ADAM28: variants seen among roughly 807,000 people sequenced by gnomAD.
ADAM28 encodes ADAM metallopeptidase domain 28.
In ADAM28, 105 loss-of-function variants were observed where a neutral mutation model predicts 101.2. That is an observed-to-expected ratio of 1.04 (90% CI 0.89 to 1.22). The LOEUF (loss-of-function observed/expected upper bound fraction) is 1.22. Among genes scored for constraint, ADAM28 ranks in the 50% most tolerant of loss-of-function variants. The pLI is 0.00. For synonymous variants in ADAM28, 322 were observed against 310.6 expected (o/e 1.04, Z -0.39); for missense variants, 1,028 against 945.4 (o/e 1.09, Z -1.15).
chr8:24,333,222 G>A (rs546480066), intron 13 of ADAM28, among the ~76,000 whole-genome samples: 1 of 152,140 alleles, frequency 6.6e-6, no homozygotes, highest in Non-Finnish European at 1.5e-5. Flanking sequence ...TATGTAGCAT[G>A]AGTAAGGTTA....
In ADAM28 at chr8:24,356,306, AG is replaced by A. The variant is rs1208652304; in HGVS notation, c.*1903del. On this transcript the variant is annotated 3_prime_UTR_variant, in exon 23 of 23. Coordinates refer to ENST00000265769, the MANE Select transcript of ADAM28 (RefSeq NM_014265.6). ...TGTTGTTTTTTAAATATCTGTCCCC[AG>A]TAATAGATTCACCTAATCCTTTTTT... 2 of 152,166 alleles carry A rather than the reference AG, an allele frequency of 1.3e-5. No homozygotes were observed. Among genetic ancestry groups the A allele is most frequent in the Admixed American group, 1.3e-4 (2 of 15,258 alleles). 9.4% of individuals were successfully genotyped at this position (152,166 alleles called of 1,614,324 possible).
chr8:24,347,216 G>T (rs957569043), intron 18 of ADAM28, among the ~76,000 whole-genome samples: 1 of 151,950 alleles, frequency 6.6e-6, no homozygotes, highest in Non-Finnish European at 1.5e-5. Context: ...TGTCAAATAA[G>T]TCAATTGGTT....
intron 2 of ADAM28, 104 bp downstream of exon 2, chr8:24,300,181 T>A: frequency 1.1e-6 from 1 of 928,576 alleles, no homozygotes; most frequent in Non-Finnish European, 1.6e-6. Context: ...TATACATGTA[T>A]GTTTATATAT....
Position 24,323,485 on chromosome 8 carries a change from A to G in ADAM28, c.721-349A>G, listed in dbSNP as rs141270047. On this transcript the variant is annotated intron_variant, in intron 8 of 22. Coordinates refer to ENST00000265769, the MANE Select transcript of ADAM28 (RefSeq NM_014265.6). ...TCTCACTCTGAGAGCACTGAAAAAC[A>G]TATAAGCAATTGAAGCCATAGTAAT... Among the ~76,000 whole-genome samples, 590 of 152,110 alleles carry G rather than the reference A, an allele frequency of 3.9e-3. 6 individuals are homozygous for G. The highest frequency in any genetic ancestry group is 0.014 in the African/African-American group (568 of 41,534).
In ADAM28 at chr8:24,322,358, G is replaced by A. The variant is rs576888231; in HGVS notation, c.720+1069G>A. Among the ~76,000 whole-genome samples the A allele has an allele frequency of 1.4e-4, 21 of 152,048 alleles. No homozygotes were observed. In the East Asian group the frequency reaches 1.6e-3, roughly 11 times the overall value. ...AAGCCAATGGTGGGAGCTTGTGGACGTTCTCTTCAGATTGCTCTTATAGTC... is the reference window on the plus strand; with the variant it reads ...AAGCCAATGGTGGGAGCTTGTGGACATTCTCTTCAGATTGCTCTTATAGTC... On this transcript the variant is annotated intron_variant, in intron 8 of 22. Coordinates refer to ENST00000265769, the MANE Select transcript of ADAM28 (RefSeq NM_014265.6).
intron 21 of ADAM28, among the ~76,000 whole-genome samples, chr8:24,352,400 G>T (rs1288808556): frequency 6.6e-6 from 1 of 152,182 alleles, no homozygotes; most frequent in African/African-American, 2.4e-5. Context: ...AGTTCAAGGA[G>T]CTGGCAGATC....
chr8:24,351,188 A>T, intron 19 of ADAM28, 44 bp from the exon 20 acceptor site: 3 of 1,422,622 alleles, frequency 2.1e-6, no homozygotes, highest in Non-Finnish European at 2.8e-6. Context: ...GTCATGCTGA[A>T]GGAGCTGCTA....
chr8:24,335,410 GA>G, intron 13 of ADAM28, 35 bp from the exon 14 acceptor site: 1 of 1,558,696 alleles, frequency 6.4e-7, no homozygotes, highest in Non-Finnish European at 8.7e-7. Flanking sequence ...AGCAGGTAGG[GA>G]GAATAAAAAG....
chr8:24,334,578 G>C (rs1321450105), intron 13 of ADAM28, among the ~76,000 whole-genome samples: 2 of 152,178 alleles, frequency 1.3e-5, no homozygotes, highest in African/African-American at 4.8e-5. Context: ...CATAAGAGAA[G>C]ATACAAGCAT....
chr8:24,336,082 G>T, intron 14 of ADAM28: 1 of 990,136 alleles, frequency 1.0e-6, no homozygotes, highest in Non-Finnish European at 1.2e-6. Context: ...GAAGTACTGT[G>T]GGATGGGACA....
At chr8:24,330,904 C>A (rs559440748) in intron 11 of ADAM28, among the ~76,000 whole-genome samples, 9 of 152,224 alleles carry the variant, frequency 5.9e-5, no homozygotes, top group East Asian at 3.9e-4. Context: ...CTGGAGAAGT[C>A]AGAGACATAT....
At position 24,341,626 on chromosome 8, in the gene ADAM28, C is replaced by G; in HGVS notation, c.1699C>G (p.Gln567Glu). Residue 567 changes from glutamine to glutamate, a missense_variant, in exon 16 of 23, where the codon CAA (glutamine) becomes GAA (glutamate). Coordinates refer to ENST00000265769, the MANE Select transcript of ADAM28 (RefSeq NM_014265.6). ...NDTMCGKLFCQGGSDNLPWKG... is the reference protein window; with the variant it reads ...NDTMCGKLFCEGGSDNLPWKG... ...TACCATGTGTGGGAAGTTGTTCTGT[C>G]AAGGTGGGTCGGATAATTTGCCCTG... 6.2e-7 allele frequency: 1 copy of G among 1,613,634 alleles called. No homozygotes were observed.
At chr8:24,330,210 G>A (rs547481152) in intron 11 of ADAM28, 95 bp downstream of exon 11, 47 of 1,426,514 alleles carry the variant, frequency 3.3e-5, no homozygotes, top group African/African-American at 1.3e-4. Context: ...CAACGTGTTC[G>A]AGTTTTTGAG....
chr8:24,339,305 G>A (rs552517483), intron 14 of ADAM28, among the ~76,000 whole-genome samples, 161 bp from the exon 15 acceptor site: 1 of 152,114 alleles, frequency 6.6e-6, no homozygotes, highest in Admixed American at 6.5e-5. Context: ...TATGTTTCTA[G>A]GAGTGGTCAA....
At chr8:24,336,880 TCA>T (rs1814160637) in intron 14 of ADAM28, among the ~76,000 whole-genome samples, 1 of 152,186 alleles carries the variant, frequency 6.6e-6, no homozygotes, top group Non-Finnish European at 1.5e-5. Flanking sequence ...CCTAATAGTT[TCA>T]GACTCCTACT....
At chr8:24,325,871 C>CAA (rs5890146) in intron 9 of ADAM28, among the ~76,000 whole-genome samples, 6 of 20,406 alleles carry the variant, frequency 2.9e-4, no homozygotes, top group African/African-American at 1.3e-3. Context: ...GTACAGATAG[C>CAA]AAAAAAAAAA....
In ADAM28 at chr8:24,341,475, G is replaced by T. The variant is rs1814754036; in HGVS notation, c.1671-123G>T. 3 of 978,928 alleles carry T rather than the reference G, an allele frequency of 3.1e-6. No homozygotes were observed. In the South Asian group the frequency reaches 4.9e-5, roughly 16 times the overall value. The allele number at this position is 978,928 out of a possible 1,614,324, so 60.6% of individuals were successfully genotyped here. ...TACTGAGAAATAAGGGAAAATGAGTGTAAAGTACAACTAAGAGTCTCGGCT... is the reference window on the plus strand; with the variant it reads ...TACTGAGAAATAAGGGAAAATGAGTTTAAAGTACAACTAAGAGTCTCGGCT... On this transcript the variant is annotated intron_variant, in intron 15 of 22. Transcript: ENST00000265769.
chr8:24,336,138 A>G (rs1040045889), intron 14 of ADAM28: 4 of 985,652 alleles, frequency 4.1e-6, no homozygotes, highest in Admixed American at 6.1e-5. Context: ...GGAAATGCAG[A>G]AAGCCAATAA....
At chr8:24,320,092 G>A (rs151291632) in intron 6 of ADAM28, 144 bp from the exon 7 acceptor site, 24 of 596,098 alleles carry the variant, frequency 4.0e-5, no homozygotes, top group South Asian at 1.4e-4. Flanking sequence ...TAATCCTGTC[G>A]GTTGAATTGG....
Sources: gnomAD v4.1 joint callset for allele counts (sites outside exome capture counted in the v4.1 genomes callset) on GRCh38, gnomAD v4.1.1 for gene constraint, MANE v1.5 for transcripts, NCBI Gene and HGNC (gene_info 2026-07-23, HGNC 2026-07-21) for gene names.